The following ALK variants were observed in gnomAD, a reference collection of about 807,000 sequenced individuals.
ALK encodes ALK tyrosine kinase receptor.
In ALK, 74 loss-of-function variants were observed where a neutral mutation model predicts 163.1. That is an observed-to-expected ratio of 0.45 (90% CI 0.38 to 0.55). The LOEUF (loss-of-function observed/expected upper bound fraction) is 0.55. ALK is among the 20% of genes least tolerant of loss of function. The pLI, the probability that ALK is intolerant of heterozygous loss-of-function variation, is 0.00. For missense variants in ALK, 2,063 were observed against 2,105.3 expected, an observed-to-expected ratio of 0.98 and a Z score of 0.39; for synonymous variants, 960 against 843.2, an observed-to-expected ratio of 1.14 and a Z score of -2.40.
chr2:29,318,367 A>G lies in ALK; in HGVS notation c.1584T>C (p.Ala528=), dbSNP rs368877224. 3.8e-5 allele frequency: 61 copies of G among 1,613,906 alleles called. No homozygotes were observed. In the African/African-American group the frequency reaches 6.7e-4, roughly 18 times the overall value. The part of the protein sequence containing the change: ...ALLLSTTDVP[A]SESATVTSAT... The stretch of plus-strand genomic sequence containing the variant: ...CACTGGTCACTGTAGCACTTTCAGA[A>G]GCGGGGACATCAGTGGTACTGAGCA... The change falls in exon 8 of 29, where the codon GCT becomes GCC. Residue 528 remains alanine (A), a synonymous_variant. Coordinates refer to ENST00000389048, the MANE Select transcript of ALK (RefSeq NM_004304.5).
intron 1 of ALK, among the ~76,000 whole-genome samples, chr2:29,808,488 A>C (rs148528185): frequency 1.1e-4 from 17 of 152,326 alleles, no homozygotes; most frequent in Admixed American, 6.5e-4. Context: ...TCGTAGTGAC[A>C]GAATTAGTCA....
intron 1 of ALK, among the ~76,000 whole-genome samples, chr2:29,864,143 G>A (rs193147259): frequency 3.9e-5 from 6 of 152,196 alleles, no homozygotes; most frequent in Admixed American, 3.9e-4. Context: ...TACCTGGGCA[G>A]AGCTGGGATT....
In ALK at chr2:29,479,963, A is replaced by G. The variant is rs150213618; in HGVS notation, c.1154+51952T>C. ...TAACTCAAAGTTGTTTGTTCTTCCT[A>G]AACAGCCCTTCTCACTCCCTTCAAC... On this transcript the variant is annotated intron_variant, in intron 4 of 28. Coordinates refer to ENST00000389048, the MANE Select transcript of ALK (RefSeq NM_004304.5). Among the ~76,000 whole-genome samples the G allele has an allele frequency of 1.2e-3, 189 of 152,322 alleles. 2 individuals are homozygous for G. Among genetic ancestry groups the G allele is most frequent in the African/African-American group, 4.4e-3 (185 of 41,574 alleles).
At chr2:29,204,118 A>G (rs1669255305) in intron 26 of ALK, among the ~76,000 whole-genome samples, 1 of 152,158 alleles carries the variant, frequency 6.6e-6, no homozygotes, top group Non-Finnish European at 1.5e-5. Flanking sequence ...TTTTCTTAGA[A>G]CAGTTCAAAC....
intron 1 of ALK, among the ~76,000 whole-genome samples, chr2:29,888,401 G>C (rs1171519778): frequency 6.6e-6 from 1 of 152,166 alleles, no homozygotes; most frequent in Non-Finnish European, 1.5e-5. Context: ...ATATGGTGAT[G>C]TCTAGATTAA....
intron 1 of ALK, among the ~76,000 whole-genome samples, chr2:29,897,716 A>C (rs1353988677): frequency 6.6e-6 from 1 of 152,172 alleles, no homozygotes; most frequent in African/African-American, 2.4e-5. Flanking sequence ...TGTGTAACTC[A>C]ATCCTATTCC....
At chr2:29,771,580 G>C (rs963064834) in intron 1 of ALK, among the ~76,000 whole-genome samples, 2 of 151,370 alleles carry the variant, frequency 1.3e-5, no homozygotes, top group African/African-American at 2.4e-5. Flanking sequence ...TGTCGCCCAG[G>C]CTGGAGTGCA....
intron 1 of ALK, among the ~76,000 whole-genome samples, chr2:29,900,030 T>G (rs1351097837): frequency 2.6e-5 from 4 of 152,178 alleles, no homozygotes; most frequent in Non-Finnish European, 5.9e-5. Context: ...GTCTCGCCTC[T>G]TCATTGACCT....
chr2:29,296,529 A>G (rs1356292979), intron 9 of ALK, among the ~76,000 whole-genome samples: 2 of 152,264 alleles, frequency 1.3e-5, no homozygotes, highest in Admixed American at 6.5e-5. Flanking sequence ...AAAGTCTATC[A>G]TATAAGAGAA....
At chr2:29,751,512 GT>G (rs1397788981) in intron 1 of ALK, among the ~76,000 whole-genome samples, 1 of 152,132 alleles carries the variant, frequency 6.6e-6, no homozygotes, top group African/African-American at 2.4e-5. Flanking sequence ...TGAGTTGTGT[GT>G]TTATGGAGTG....
intron 1 of ALK, among the ~76,000 whole-genome samples, chr2:29,738,354 CT>C (rs1679953051): frequency 2.0e-5 from 3 of 152,018 alleles, no homozygotes; most frequent in Admixed American, 6.6e-5. Flanking sequence ...AAGAATCATG[CT>C]CATGTTGTAT....
intron 1 of ALK, among the ~76,000 whole-genome samples, chr2:29,822,999 C>A (rs554160819): frequency 1.6e-4 from 25 of 152,306 alleles, no homozygotes; most frequent in Admixed American, 4.6e-4. Flanking sequence ...TGTCCCCACC[C>A]AAAACTCATC....
intron 1 of ALK, among the ~76,000 whole-genome samples, chr2:29,867,039 G>A (rs77691007): frequency 0.012 from 1,796 of 152,238 alleles, 41 homozygotes; most frequent in East Asian, 0.096. Context: ...AGCTGGCCCT[G>A]GATGCCAACT....
At chr2:29,372,240 T>C (rs900810796) in intron 5 of ALK, among the ~76,000 whole-genome samples, 1 of 152,196 alleles carries the variant, frequency 6.6e-6, no homozygotes, top group Non-Finnish European at 1.5e-5. Flanking sequence ...CATAGCCAAA[T>C]GCCTTTAGCC....
intron 4 of ALK, among the ~76,000 whole-genome samples, chr2:29,509,818 G>T (rs1323163482): frequency 6.6e-6 from 1 of 152,184 alleles, no homozygotes; most frequent in African/African-American, 2.4e-5. Context: ...AGGTAGGGTT[G>T]GGGAGAAGCA....
intron 4 of ALK, among the ~76,000 whole-genome samples, chr2:29,507,800 C>G (rs546132920): frequency 1.3e-5 from 2 of 152,208 alleles, no homozygotes; most frequent in South Asian, 4.1e-4. Flanking sequence ...TAAGATGGCC[C>G]TCATGGTACA....
At chr2:29,403,552 G>A (rs193188066) in intron 4 of ALK, among the ~76,000 whole-genome samples, 12 of 151,872 alleles carry the variant, frequency 7.9e-5, no homozygotes, top group Admixed American at 2.6e-4. Context: ...ATGTTACTGC[G>A]GTTAATCTTT....
intron 3 of ALK, among the ~76,000 whole-genome samples, chr2:29,564,313 C>A (rs565037775): frequency 2.0e-5 from 3 of 152,292 alleles, no homozygotes; most frequent in Admixed American, 1.3e-4. Context: ...ACCCAACTAT[C>A]CTAACTATCA....
chr2:29,371,353 G>C (rs962399686), intron 5 of ALK, among the ~76,000 whole-genome samples: 2 of 152,220 alleles, frequency 1.3e-5, no homozygotes, highest in Non-Finnish European at 2.9e-5. Context: ...ATGCCCCTCG[G>C]CTAGCAAAAG....
Sources: allele counts gnomAD v4.1 joint callset (sites outside exome capture counted in the v4.1 genomes callset), GRCh38; gene constraint gnomAD v4.1.1; transcripts MANE v1.5; gene names NCBI Gene and HGNC (gene_info 2026-07-23, HGNC 2026-07-21).